ADGRG6: variants seen among roughly 807,000 people sequenced by gnomAD.
ADGRG6 encodes adhesion G protein-coupled receptor G6.
ADGRG6 carries 84 observed loss-of-function variants against 142.4 expected under a neutral mutation model. The ratio of observed to expected loss-of-function variants is 0.59; its 90% CI spans 0.49 to 0.71. The LOEUF is 0.71. Ranked by LOEUF, ADGRG6 falls within the 30% of genes least tolerant of loss-of-function variation. ADGRG6 has a pLI of 0.00. For missense variants in ADGRG6, 1,367 were observed against 1,466.6 expected (o/e 0.93, Z 1.11); for synonymous variants, 521 against 520.5 (o/e 1.00, Z -0.01).
chr6:142,440,166 AT>A (rs1232709842), intron 24 of ADGRG6, among the ~76,000 whole-genome samples: 1 of 152,212 alleles, frequency 6.6e-6, no homozygotes, highest in African/African-American at 2.4e-5. Context: ...GGGCTATAGG[AT>A]TCGGGGGAAA....
intron 1 of ADGRG6, 108 bp from the exon 2 acceptor site, chr6:142,309,436 A>G: frequency 1.6e-6 from 1 of 634,696 alleles, no homozygotes; most frequent in South Asian, 2.6e-5. Flanking sequence ...GCAAGGATGA[A>G]AAAGGTTTAT....
At chr6:142,367,493 G>A (rs1275113983) in intron 2 of ADGRG6, 76 bp from the exon 3 acceptor site, 3 of 915,364 alleles carry the variant, frequency 3.3e-6, no homozygotes, top group Non-Finnish European at 5.0e-6. Flanking sequence ...ATTGTCGCCA[G>A]TGTGTGGTAT....
chr6:142,317,689 G>T, intron 2 of ADGRG6, among the ~76,000 whole-genome samples: 1 of 117,614 alleles, frequency 8.5e-6, no homozygotes, highest in African/African-American at 3.4e-5. Context: ...GCATCTTACT[G>T]CTCATTCAGT....
At chr6:142,306,365 A>G (rs909707846) in intron 1 of ADGRG6, among the ~76,000 whole-genome samples, 17 of 152,172 alleles carry the variant, frequency 1.1e-4, no homozygotes, top group Non-Finnish European at 2.4e-4. Context: ...GACTAAAGCA[A>G]ATTGTATTTT....
intron 1 of ADGRG6, among the ~76,000 whole-genome samples, chr6:142,307,834 G>C (rs1455560211): frequency 6.6e-6 from 1 of 151,962 alleles, no homozygotes; most frequent in Non-Finnish European, 1.5e-5. Context: ...ACCTTTTCCT[G>C]GTTTCGAATT....
chr6:142,439,321 G>A (rs931052357), intron 24 of ADGRG6, among the ~76,000 whole-genome samples: 1 of 152,148 alleles, frequency 6.6e-6, no homozygotes, highest in African/African-American at 2.4e-5. Flanking sequence ...ATTCTAAAAG[G>A]ATAATGGAAA....
At chr6:142,385,758 T>C (rs1272504686) in intron 6 of ADGRG6, among the ~76,000 whole-genome samples, 1 of 152,212 alleles carries the variant, frequency 6.6e-6, no homozygotes. Context: ...TTTTTTTTCT[T>C]TGATGTAATC....
At chr6:142,441,416 A>C (rs1334510287) in intron 24 of ADGRG6, among the ~76,000 whole-genome samples, 2 of 152,156 alleles carry the variant, frequency 1.3e-5, no homozygotes, top group African/African-American at 4.8e-5. Context: ...AGGTCAAATA[A>C]TAGTTCATAT....
intron 2 of ADGRG6, among the ~76,000 whole-genome samples, chr6:142,318,224 TATTTATATTA>T (rs1778300559): frequency 4.5e-5 from 3 of 66,284 alleles, no homozygotes; most frequent in Non-Finnish European, 7.9e-5. Context: ...ATATTATATA[TATTTATATTA>T]TATATATTTA....
Position 142,443,576 on chromosome 6 carries a change from G to A in ADGRG6, c.*61G>A. 1 of 1,101,944 alleles carries A rather than the reference G, an allele frequency of 9.1e-7. No homozygotes were observed. The highest frequency in any genetic ancestry group is 1.3e-6 in the Non-Finnish European group (1 of 747,292). 68.3% of individuals were successfully genotyped at this position (1,101,944 alleles called of 1,614,324 possible). ...TGAAGATTTGCAAGCAGTGTAAACT[G>A]CAACTAGTGATGTAAATGTGCTATT... On this transcript the variant is annotated 3_prime_UTR_variant, in exon 25 of 25. Transcript: ENST00000367609.
At chr6:142,395,833 T>A (rs977494818) in intron 9 of ADGRG6, among the ~76,000 whole-genome samples, 4 of 152,174 alleles carry the variant, frequency 2.6e-5, no homozygotes, top group African/African-American at 7.2e-5. Flanking sequence ...CATTGTTTTT[T>A]AAAAAAACTT....
chr6:142,326,995 A>C (rs907609205), intron 2 of ADGRG6, among the ~76,000 whole-genome samples: 2 of 152,160 alleles, frequency 1.3e-5, no homozygotes, highest in Non-Finnish European at 2.9e-5. Flanking sequence ...TTAATGATTT[A>C]GTACCAAATC....
chr6:142,399,910 C>T (rs974661586), intron 10 of ADGRG6, among the ~76,000 whole-genome samples: 4 of 152,214 alleles, frequency 2.6e-5, no homozygotes, highest in East Asian at 1.9e-4. Flanking sequence ...CTTAGAGAGT[C>T]GTCAAACAAA....
intron 2 of ADGRG6, among the ~76,000 whole-genome samples, chr6:142,341,398 A>G (rs1442900389): frequency 1.6e-5 from 2 of 124,458 alleles, no homozygotes; most frequent in Non-Finnish European, 3.2e-5. Context: ...ATATTATATT[A>G]TATAATATAT....
intron 6 of ADGRG6, among the ~76,000 whole-genome samples, chr6:142,388,282 A>G (rs922762326): frequency 7.9e-5 from 12 of 152,204 alleles, no homozygotes; most frequent in African/African-American, 2.7e-4. Context: ...ATGTTTAAAG[A>G]AAACATCTTA....
intron 2 of ADGRG6, 35 bp from the exon 3 acceptor site, chr6:142,367,533 GC>G: frequency 6.4e-7 from 1 of 1,550,532 alleles, no homozygotes; most frequent in Non-Finnish European, 8.9e-7. Context: ...TCTGAACCCA[GC>G]CCTTCTCTCT....
intron 2 of ADGRG6, among the ~76,000 whole-genome samples, chr6:142,321,946 A>G (rs573838197): frequency 9.9e-5 from 15 of 152,278 alleles, no homozygotes; most frequent in Non-Finnish European, 1.9e-4. Context: ...TTTACTATCT[A>G]TATCGAGAAT....
At chr6:142,318,017 T>A (rs1354353318) in intron 2 of ADGRG6, among the ~76,000 whole-genome samples, 2 of 49,958 alleles carry the variant, frequency 4.0e-5, no homozygotes, top group Non-Finnish European at 6.4e-5. Flanking sequence ...ATATTTATGT[T>A]ATATATATTA....
Position 142,338,020 on chromosome 6 carries a change from T to TTTTTTTTTTTTTTTTTTTG in ADGRG6, c.103+28377_103+28395dup. 1.0e-4 allele frequency among the ~76,000 whole-genome samples: 3 copies of TTTTTTTTTTTTTTTTTTTG among 28,862 alleles called. 1 individual carries two copies. The highest frequency in any genetic ancestry group is 9.1e-5 in the Non-Finnish European group (1 of 10,940). The allele number at this position is 28,862 out of a possible 152,430, so 18.9% of individuals were successfully genotyped here. On this transcript the variant is annotated intron_variant, in intron 2 of 24. Transcript: ENST00000367609. ...CCTTTTTATGCCTTGTATCTTTGTT[T>TTTTTTTTTTTTTTTTTTTG]TTTTTTTTTTTTTTTTTTGAGACGG... is the stretch of plus-strand genomic sequence containing the variant.
Sources: allele counts gnomAD v4.1 joint callset (sites outside exome capture counted in the v4.1 genomes callset), GRCh38; gene constraint gnomAD v4.1.1; transcripts MANE v1.5; gene names NCBI Gene and HGNC (gene_info 2026-07-23, HGNC 2026-07-21).